CAMSAP2: variants seen among roughly 807,000 people sequenced by gnomAD.
CAMSAP2 encodes the protein calmodulin regulated spectrin associated protein family member 2, also known as calmodulin-regulated spectrin-associated protein 2.
In CAMSAP2, 26 loss-of-function variants were observed where a neutral mutation model predicts 146.1. The observed-to-expected ratio is 0.18, with a 90% confidence interval of 0.13 to 0.25. The LOEUF is 0.25. Ranked by LOEUF, CAMSAP2 falls within the 10% of genes least tolerant of loss-of-function variation. The probability of loss-of-function intolerance (pLI) is 1.00; values close to 1 mark genes in which losing one functional copy is unlikely to be tolerated. For synonymous variants in CAMSAP2, 499 were observed against 596.6 expected, an observed-to-expected ratio of 0.84 and a Z score of 2.38; for missense variants, 1,381 against 1,759.3, an observed-to-expected ratio of 0.78 and a Z score of 3.85.
chr1:200,784,150 A>G (rs2103024860), intron 2 of CAMSAP2, among the ~76,000 whole-genome samples: 1 of 152,240 alleles, frequency 6.6e-6, no homozygotes, highest in South Asian at 2.1e-4. Flanking sequence ...GATGTCTGTT[A>G]GGCTGTGCCA....
intron 2 of CAMSAP2, among the ~76,000 whole-genome samples, chr1:200,798,949 T>G (rs1190340253): frequency 3.3e-5 from 5 of 152,050 alleles, no homozygotes; most frequent in Non-Finnish European, 7.4e-5. Context: ...TCTTTGGCTC[T>G]GTTTATATGC....
Position 200,832,062 on chromosome 1 carries a change from A to T in CAMSAP2, c.646-138A>T. 1 of 699,272 alleles carries T rather than the reference A, an allele frequency of 1.4e-6. No homozygotes were observed. The highest frequency in any genetic ancestry group is 2.8e-5 in the East Asian group (1 of 35,322). The allele number at this position is 699,272 out of a possible 1,614,324, so 43.3% of individuals were successfully genotyped here. A position where few individuals can be genotyped will look rare whatever the true frequency, so the allele number is the denominator to read the frequency against. On this transcript the variant is annotated intron_variant, in intron 4 of 16. Transcript: ENST00000358823. The surrounding 1 kb of genome is among the most constrained non-coding windows in gnomAD (Gnocchi z 4.2). ...TTTGGTAATACCTAGCGTTATTTAG[A>T]AAAAAAGAAATATTGGTGAGTGGTC... is the stretch of plus-strand genomic sequence containing the variant.
intron 4 of CAMSAP2, among the ~76,000 whole-genome samples, chr1:200,816,847 C>T (rs564938817): frequency 2.0e-5 from 1 of 50,986 alleles, no homozygotes; most frequent in African/African-American, 9.7e-5. Context: ...TATGTGTGTA[C>T]ACACACACGC....
In CAMSAP2 at chr1:200,859,358, A is replaced by AT. The variant is rs1667827283; in HGVS notation, c.*1300dup. On this transcript the variant is annotated 3_prime_UTR_variant, in exon 17 of 17. Coordinates refer to ENST00000358823, the MANE Select transcript of CAMSAP2 (RefSeq NM_203459.4). ...TTGTTTTCTTTCATGGGAAGTAGAG[A>AT]TAAAAATATATACATTTCTCTAATT... 1 of 152,636 alleles carries AT rather than the reference A, an allele frequency of 6.6e-6. No individual in the cohort carries two copies. Among genetic ancestry groups the AT allele is most frequent in the African/African-American group, 2.4e-5 (1 of 41,450 alleles). 9.5% of individuals were successfully genotyped at this position (152,636 alleles called of 1,614,324 possible). A position where few individuals can be genotyped will look rare whatever the true frequency, so the allele number is the denominator to read the frequency against.
intron 3 of CAMSAP2, among the ~76,000 whole-genome samples, chr1:200,815,274 T>G (rs1023275834): frequency 2.0e-5 from 3 of 152,208 alleles, no homozygotes; most frequent in Non-Finnish European, 2.9e-5. Context: ...GCATTAAAAC[T>G]GACATTACCA....
At chr1:200,800,613 A>G (rs1370885994) in intron 2 of CAMSAP2, among the ~76,000 whole-genome samples, 1 of 152,074 alleles carries the variant, frequency 6.6e-6, no homozygotes, top group Non-Finnish European at 1.5e-5. Context: ...TCTTGACTCT[A>G]TCCAATTTGT....
chr1:200,798,136 G>C (rs1665936552), intron 2 of CAMSAP2, among the ~76,000 whole-genome samples: 1 of 148,910 alleles, frequency 6.7e-6, no homozygotes, highest in African/African-American at 2.5e-5. Flanking sequence ...TTTGGCTTAG[G>C]ATTGACTTGG....
At chr1:200,845,034 G>T (rs1318642793) in intron 8 of CAMSAP2, among the ~76,000 whole-genome samples, 165 bp downstream of exon 8, 2 of 152,036 alleles carry the variant, frequency 1.3e-5, no homozygotes, top group Non-Finnish European at 2.9e-5. Context: ...AATATAAATT[G>T]AAATATACAC....
intron 2 of CAMSAP2, among the ~76,000 whole-genome samples, chr1:200,761,735 C>CA (rs34309759): frequency 0.24 from 24,352 of 102,524 alleles, 2,751 homozygotes; most frequent in East Asian, 0.39. Context: ...AACTCTGTCT[C>CA]AAAAAAAAAA....
chr1:200,743,181 T>C (rs1664226148), intron 1 of CAMSAP2, among the ~76,000 whole-genome samples: 1 of 152,232 alleles, frequency 6.6e-6, no homozygotes, highest in Admixed American at 6.5e-5. Context: ...TGTTCTGTTC[T>C]CTTAAATCCT....
In CAMSAP2 at chr1:200,761,028, A is replaced by G; in HGVS notation, c.329A>G (p.Lys110Arg). 7.4e-6 allele frequency: 12 copies of G among 1,614,172 alleles called. No individual in the cohort carries two copies. Among genetic ancestry groups the G allele is most frequent in the Non-Finnish European group, 1.0e-5 (12 of 1,180,020 alleles). ...HDAVIQALAQ[K>R]GLYVTDQEKL... is the part of the protein sequence containing the mutation. ...GCTGTAATCCAGGCTTTAGCACAGAAAGGTCTTTATGTCACTGACCAGGAA... is the reference window on the plus strand; with the variant it reads ...GCTGTAATCCAGGCTTTAGCACAGAGAGGTCTTTATGTCACTGACCAGGAA... The change falls in exon 2 of 17, where the codon AAA becomes AGA. Residue 110 changes from lysine to arginine, a missense_variant. Coordinates refer to ENST00000358823, the MANE Select transcript of CAMSAP2 (RefSeq NM_203459.4).
intron 2 of CAMSAP2, among the ~76,000 whole-genome samples, chr1:200,792,918 C>A (rs149413310): frequency 2.8e-3 from 425 of 152,138 alleles, no homozygotes; most frequent in African/African-American, 9.4e-3. Flanking sequence ...GAAACTGGGT[C>A]TATGGTAAAT....
intron 1 of CAMSAP2, among the ~76,000 whole-genome samples, chr1:200,749,527 G>A (rs1405734171): frequency 6.6e-6 from 1 of 152,152 alleles, no homozygotes; most frequent in Non-Finnish European, 1.5e-5. Context: ...ATACATAGGT[G>A]CCTCATAAAT....
intron 7 of CAMSAP2, 98 bp downstream of exon 7, chr1:200,842,185 A>ATT (rs149419826): frequency 7.1e-4 from 548 of 766,628 alleles, no homozygotes; most frequent in East Asian, 2.2e-3. Context: ...TCAGCCTATT[A>ATT]TTTTTTTTTT....
intron 2 of CAMSAP2, among the ~76,000 whole-genome samples, chr1:200,785,749 G>GTT (rs1196456996): frequency 6.9e-6 from 1 of 145,388 alleles, no homozygotes; most frequent in Non-Finnish European, 1.5e-5. Context: ...GTGCAGTGGC[G>GTT]TGATCTTGGC....
rs775806033 is a variant in CAMSAP2 at position 200,856,140 on chromosome 1, A to G, written c.4012+15A>G. On this transcript the variant is annotated intron_variant, in intron 15 of 16. Coordinates refer to ENST00000358823, the MANE Select transcript of CAMSAP2 (RefSeq NM_203459.4). ...AGAATATACAGGTTAGTGTCTATACATTTTTAGAGAAACATTTGAATTTAA... is the reference window on the plus strand; with the variant it reads ...AGAATATACAGGTTAGTGTCTATACGTTTTTAGAGAAACATTTGAATTTAA... The G allele has an allele frequency of 4.4e-5, 67 of 1,529,544 alleles. No homozygotes were observed. In the South Asian group the frequency reaches 7.5e-4, roughly 17 times the overall value. The allele number at this position is 1,529,544 out of a possible 1,614,324, so 94.7% of individuals were successfully genotyped here.
chr1:200,852,107 T>A (rs1467004771), intron 11 of CAMSAP2, among the ~76,000 whole-genome samples: 1 of 152,258 alleles, frequency 6.6e-6, no homozygotes, highest in Non-Finnish European at 1.5e-5. Context: ...AATAGTTTCA[T>A]TTATGTGCTA....
At chr1:200,809,064 C>T (rs926219509) in intron 3 of CAMSAP2, among the ~76,000 whole-genome samples, 55 of 152,176 alleles carry the variant, frequency 3.6e-4, no homozygotes, top group African/African-American at 1.3e-3. Flanking sequence ...CAAATGTGTC[C>T]CTAAGTTTGC....
chr1:200,843,846 T>TTTG, intron 7 of CAMSAP2, among the ~76,000 whole-genome samples: 1 of 152,142 alleles, frequency 6.6e-6, no homozygotes, highest in African/African-American at 2.4e-5. Context: ...TTTGTTTTTT[T>TTTG]TTTGTTTGTT....
Sources: allele counts gnomAD v4.1 joint callset (sites outside exome capture counted in the v4.1 genomes callset), GRCh38; gene constraint gnomAD v4.1.1; non-coding constraint Gnocchi (gnomAD v3.1); transcripts MANE v1.5; gene names NCBI Gene and HGNC (gene_info 2026-07-23, HGNC 2026-07-21).